Variants in TSPYL2 observed in about 807,000 individuals in gnomAD.
The protein encoded by TSPYL2 is testis-specific Y-encoded-like protein 2.
In TSPYL2, 9 loss-of-function variants were observed where a neutral mutation model predicts 33.0. The ratio of observed to expected loss-of-function variants is 0.27; its 90% CI spans 0.16 to 0.48. The LOEUF is 0.48. TSPYL2 is among the 20% of genes least tolerant of loss of function. The pLI, the probability that TSPYL2 is intolerant of heterozygous loss-of-function variation, is 0.99. For missense variants in TSPYL2, 636 were observed against 586.2 expected, an observed-to-expected ratio of 1.08 and a Z score of -0.88; for synonymous variants, 330 against 233.6, an observed-to-expected ratio of 1.41 and a Z score of -3.77.
At position 53,087,817 on chromosome X, in the gene TSPYL2, G is replaced by A; in HGVS notation, c.1960G>A (p.Glu654Lys). 2 of 1,211,588 alleles carry A rather than the reference G, an allele frequency of 1.7e-6. No homozygotes were observed. Among genetic ancestry groups the A allele is most frequent in the Non-Finnish European group, 2.2e-6 (2 of 895,192 alleles). Residue 654 changes from glutamate to lysine, a missense_variant, in exon 7 of 7, where the codon GAG (glutamate) becomes AAG (lysine). This residue lies in a region of TSPYL2 where 401 missense variants were observed against 363.0 expected (regional missense o/e 1.10). Coordinates refer to ENST00000375442, the MANE Select transcript of TSPYL2 (RefSeq NM_022117.4). ...DEDIYEEGNYEEEGSEDVWEE... is the reference protein window; with the variant it reads ...DEDIYEEGNYKEEGSEDVWEE... ...GGACATCTATGAGGAAGGAAACTAT[G>A]AGGAGGAAGGAAGTGAAGATGTCTG... is the stretch of plus-strand genomic sequence containing the variant.
Position 53,088,281 on chromosome X carries a change from C to T in TSPYL2, c.*342C>T. ...CCCTGTGCTGTGTGGAGTGGACACC[C>T]TGACCCCCGAAGCGGGGAGGGCCGC... On this transcript the variant is annotated 3_prime_UTR_variant, in exon 7 of 7. Coordinates refer to ENST00000375442, the MANE Select transcript of TSPYL2 (RefSeq NM_022117.4). 5.2e-6 allele frequency: 1 copy of T among 192,584 alleles called. No homozygotes were observed. The highest frequency in any genetic ancestry group is 9.7e-6 in the Non-Finnish European group (1 of 102,881). The allele number at this position is 192,584 out of a possible 1,213,427, so 15.9% of individuals were successfully genotyped here.
chrX:53,083,406 G>A, intron 1 of TSPYL2, 101 bp downstream of exon 1: 1 of 820,448 alleles, frequency 1.2e-6, no homozygotes, highest in Non-Finnish European at 1.8e-6. Flanking sequence ...GAGAGCCAGA[G>A]GTGGGCATGA....
chrX:53,083,764 A>G (rs952678587), intron 1 of TSPYL2, among the ~76,000 whole-genome samples: 7 of 111,202 alleles, frequency 6.3e-5, no homozygotes, highest in Non-Finnish European at 1.1e-4. Context: ...TGCTTGAGCC[A>G]TACAAGGCTC....
In TSPYL2 at chrX:53,083,264, G is replaced by A; in HGVS notation, c.766G>A (p.Asp256Asn). ...QMRRPFLERR[D>N]LIIQHIPGFW... ...GCGAAGACCCTTCCTGGAGCGCAGA[G>A]ACCTCATCATCCAGCATATCCCAGG... The change falls in exon 1 of 7, where the codon GAC (aspartate) becomes AAC (asparagine). Residue 256 changes from aspartate (D) to asparagine (N), a missense_variant. By Grantham distance (23) the Asp-to-Asn change is conservative. Coordinates refer to ENST00000375442, the MANE Select transcript of TSPYL2 (RefSeq NM_022117.4). 1 of 1,210,557 alleles carries A rather than the reference G, an allele frequency of 8.3e-7. No homozygotes were observed. Among genetic ancestry groups the A allele is most frequent in the Non-Finnish European group, 1.1e-6 (1 of 895,238 alleles).
At position 53,085,259 on chromosome X, in the gene TSPYL2, A is replaced by G. The variant is rs782021440; in HGVS notation, c.1176A>G (p.Leu392=). Residue 392 remains leucine, a synonymous_variant, in exon 5 of 7, where the codon CTA becomes CTG. Transcript: ENST00000375442. ...IIKNDLWVNP[L]RYYLRERGSR... ...AGAATGATCTGTGGGTTAACCCTCT[A>G]CGCTACTACCTGAGAGAAAGGGGCT... The G allele has an allele frequency of 8.3e-7, 1 of 1,208,689 alleles. No individual in the cohort carries two copies.
At chrX:53,086,673 A>T in intron 6 of TSPYL2, 1 of 245,088 alleles carries the variant, frequency 4.1e-6, no homozygotes, top group East Asian at 9.9e-5. Context: ...CCTTTGGCGC[A>T]TTTCCAGGCT....
chrX:53,084,341 G>A (rs782248803), intron 1 of TSPYL2, among the ~76,000 whole-genome samples: 15 of 111,803 alleles, frequency 1.3e-4, no homozygotes, highest in Admixed American at 3.8e-4. Flanking sequence ...ATGGATTGTC[G>A]ACACCCTGTA....
intron 1 of TSPYL2, among the ~76,000 whole-genome samples, chrX:53,084,047 C>T (rs782382156): frequency 8.9e-6 from 1 of 111,899 alleles, no homozygotes; most frequent in Admixed American, 9.4e-5. Flanking sequence ...GCCCTTAGCA[C>T]CCAGGCATAC....
rs1556807116 is a variant in TSPYL2 at position 53,082,508 on chromosome X, C to T, written c.10C>T (p.Pro4Ser). The change falls in exon 1 of 7, where the codon CCA (proline) becomes TCA (serine). Residue 4 changes from proline to serine, a missense_variant. By Grantham distance (74) the Pro-to-Ser change is moderately conservative. This residue lies in a region of TSPYL2 where 231 missense variants were observed against 201.6 expected (regional missense o/e 1.15). Transcript: ENST00000375442. The part of the protein sequence containing the change: MDR[P>S]DEGPPAKTRR... ...TACGAACGCGGTCGCCATGGACCGC[C>T]CAGATGAGGGGCCTCCGGCCAAGAC... is the stretch of plus-strand genomic sequence containing the variant. 8.6e-7 allele frequency: 1 copy of T among 1,161,050 alleles called. No homozygotes were observed.
At chrX:53,087,310 C>CAG (rs34843901) in intron 6 of TSPYL2, 35,474 of 113,521 alleles carry the variant, frequency 0.31, 5,844 homozygotes, top group African/African-American at 0.64. Context: ...TCTCTTTTCT[C>CAG]AGAAGGGGAG....
intron 3 of TSPYL2, 24 bp from the exon 4 acceptor site, chrX:53,084,930 C>A (rs782401797): frequency 4.1e-6 from 5 of 1,206,143 alleles, no homozygotes; most frequent in Non-Finnish European, 5.6e-6. Flanking sequence ...TTTGTCCCAT[C>A]TCCATAGCCT....
rs1932790973 is a variant in TSPYL2 at position 53,087,963 on chromosome X, CCT to C, written c.*29_*30del. 2 of 1,200,407 alleles carry C rather than the reference CCT, an allele frequency of 1.7e-6. No homozygotes were observed. Among genetic ancestry groups the C allele is most frequent in the Non-Finnish European group, 1.1e-6 (1 of 887,177 alleles). On this transcript the variant is annotated 3_prime_UTR_variant, in exon 7 of 7. Coordinates refer to ENST00000375442, the MANE Select transcript of TSPYL2 (RefSeq NM_022117.4). ...AAGGGTTTTCCCCTTTTGGGGATCA[CCT>C]CTCTGTATCCCCCACCCACTATCCC...
At chrX:53,083,941 A>T (rs890579900) in intron 1 of TSPYL2, among the ~76,000 whole-genome samples, 1 of 112,147 alleles carries the variant, frequency 8.9e-6, no homozygotes, top group African/African-American at 3.2e-5. Flanking sequence ...ACACATACAC[A>T]TACATGTAAC....
Position 53,083,100 on chromosome X carries a change from A to G in TSPYL2, c.602A>G (p.Lys201Arg). Residue 201 changes from lysine (K) to arginine (R), a missense_variant, in exon 1 of 7, where the codon AAG becomes AGG. Physicochemically the swap from Lys to Arg is conservative, Grantham distance 26 (BLOSUM62 2). Around this residue, in one of 3 missense-constraint regions of TSPYL2, gnomAD observed 231 missense variants for 201.6 expected, o/e 1.15. Transcript: ENST00000375442. Reference protein sequence around the residue: ...RRRRRKQRKVKRESRERNAER... With the variant: ...RRRRRKQRKVRRESRERNAER... ...CGGAGGAGGAAGCAGAGGAAGGTGA[A>G]GAGGGAAAGCAGAGAGAGAAATGCC... The G allele has an allele frequency of 8.3e-7, 1 of 1,209,456 alleles. No individual in the cohort carries two copies.
rs782567717 is a variant in TSPYL2, at chrX:53,085,616, C to T, written c.1239-15C>T. 1 of 1,210,287 alleles carries T rather than the reference C, an allele frequency of 8.3e-7. No homozygotes were observed. Among genetic ancestry groups the T allele is most frequent in the East Asian group, 3.0e-5 (1 of 33,852 alleles). Reference sequence around the variant, plus strand: ...CTCCCACCAACCCTATACTCAGCCACAGCCTTCCTTACAGTAAAACCAGGG... The same window carrying T: ...CTCCCACCAACCCTATACTCAGCCATAGCCTTCCTTACAGTAAAACCAGGG... On this transcript the variant is annotated splice_polypyrimidine_tract_variant and intron_variant, in intron 5 of 6. Coordinates refer to ENST00000375442, the MANE Select transcript of TSPYL2 (RefSeq NM_022117.4).
chrX:53,085,293 A>C lies in TSPYL2; in HGVS notation c.1210A>C (p.Lys404Gln). ...YYLRERGSRI[K>Q]RKKQEMKKRK... is the part of the protein sequence containing the mutation. ...CCTGAGAGAAAGGGGCTCCAGGATA[A>C]AGAGAAAGAAGCAAGAAATGAAGAA... Residue 404 changes from lysine to glutamine, a missense_variant, in exon 5 of 7, where the codon AAG (lysine) becomes CAG (glutamine). Around this residue, in one of 3 missense-constraint regions of TSPYL2, gnomAD observed 401 missense variants for 363.0 expected, o/e 1.10. Transcript: ENST00000375442. The C allele has an allele frequency of 8.3e-7, 1 of 1,208,627 alleles. No homozygotes were observed. The highest frequency in any genetic ancestry group is 1.1e-6 in the Non-Finnish European group (1 of 894,083).
intron 5 of TSPYL2, 152 bp downstream of exon 5, chrX:53,085,473 G>T: frequency 8.1e-6 from 6 of 743,297 alleles, no homozygotes; most frequent in Non-Finnish European, 1.2e-5. Flanking sequence ...AATGGCTTGA[G>T]GTTACACAGT....
intron 6 of TSPYL2, chrX:53,087,471 A>G (rs781870456): frequency 3.9e-6 from 1 of 255,495 alleles, no homozygotes; most frequent in Non-Finnish European, 7.1e-6. Context: ...GTCAGAGCTC[A>G]GGAAGAGACA....
chrX:53,083,293 C>T lies in TSPYL2; in HGVS notation c.795C>T (p.Phe265=), dbSNP rs1932671852. The T allele has an allele frequency of 2.5e-6, 3 of 1,208,669 alleles. No individual in the cohort carries two copies. The highest frequency in any genetic ancestry group is 5.9e-5 in the East Asian group (2 of 33,786). Residue 265 remains phenylalanine (F), a synonymous_variant, in exon 1 of 7, where the codon TTC becomes TTT. Coordinates refer to ENST00000375442, the MANE Select transcript of TSPYL2 (RefSeq NM_022117.4). The part of the protein sequence containing the change: ...RDLIIQHIPG[F]WVKAFLNHPR... ...TCATCATCCAGCATATCCCAGGCTTCTGGGTCAAAGCAGTATCCTTCTAAT... is the reference window on the plus strand; with the variant it reads ...TCATCATCCAGCATATCCCAGGCTTTTGGGTCAAAGCAGTATCCTTCTAAT...
Sources: gnomAD v4.1 joint callset for allele counts (sites outside exome capture counted in the v4.1 genomes callset) on GRCh38, gnomAD v4.1.1 for gene constraint, gnomAD v4.1.1 regional missense constraint, MANE v1.5 for transcripts, NCBI Gene and HGNC (gene_info 2026-07-23, HGNC 2026-07-21) for gene names.